DNAAF9: variants seen among roughly 807,000 people sequenced by gnomAD.
DNAAF9 encodes shulin.
Under a neutral mutation model 167.0 loss-of-function variants are expected in DNAAF9, and 90 were observed. The ratio of observed to expected loss-of-function variants is 0.54; its 90% CI spans 0.45 to 0.64. The LOEUF is 0.64. Among genes scored for constraint, DNAAF9 ranks in the 30% least tolerant of loss-of-function variants. DNAAF9 has a pLI of 0.00. For missense variants in DNAAF9, 1,315 were observed against 1,442.2 expected (o/e 0.91, Z 1.43); for synonymous variants, 491 against 508.8 (o/e 0.96, Z 0.47).
Position 3,320,093 on chromosome 20 carries a change from C to A in DNAAF9, c.1357-1693G>T, listed in dbSNP as rs530771084. Among the ~76,000 whole-genome samples, 108 of 152,238 alleles carry A rather than the reference C, an allele frequency of 7.1e-4. No individual in the cohort carries two copies. In the Middle Eastern group the frequency reaches 0.01, roughly 14 times the overall value. On this transcript the variant is annotated intron_variant, in intron 16 of 36. Coordinates refer to ENST00000252032, the MANE Select transcript of DNAAF9 (RefSeq NM_001009984.3). ...GATAACATGTAGCATTTGTTGGACA[C>A]TTGTTATGTACTTCCCACCATGTGG...
At chr20:3,269,304 G>A (rs1477823317) in intron 30 of DNAAF9, among the ~76,000 whole-genome samples, 2 of 151,680 alleles carry the variant, frequency 1.3e-5, no homozygotes, top group African/African-American at 4.8e-5. Context: ...TAAACTCCTG[G>A]GCTCAGGCAA....
At chr20:3,285,615 G>C (rs2068837336) in intron 27 of DNAAF9, among the ~76,000 whole-genome samples, 1 of 151,344 alleles carries the variant, frequency 6.6e-6, no homozygotes, top group Non-Finnish European at 1.5e-5. Flanking sequence ...GGAGGCGGAG[G>C]TTGCAGTGAG....
At chr20:3,364,940 CT>C (rs73616151) in intron 6 of DNAAF9, among the ~76,000 whole-genome samples, 4 of 143,034 alleles carry the variant, frequency 2.8e-5, no homozygotes, top group Non-Finnish European at 6.0e-5. Context: ...CCTTCTTTTC[CT>C]TTTTTCTTTT....
intron 1 of DNAAF9, among the ~76,000 whole-genome samples, chr20:3,394,949 CTTTTTTTTTTTTTTTTTTTT>C (rs10522445): frequency 9.8e-6 from 1 of 102,132 alleles, no homozygotes; most frequent in Admixed American, 1.2e-4. Flanking sequence ...TTTCTTTTTT[CTTTTTTTTTTTTTTTTTTTT>C]TTTTTTTTTT....
At chr20:3,360,666 A>C (rs2083350209) in intron 6 of DNAAF9, among the ~76,000 whole-genome samples, 1 of 152,104 alleles carries the variant, frequency 6.6e-6, no homozygotes, top group African/African-American at 2.4e-5. Context: ...GGATCTTGAG[A>C]AGCAGCAGCA....
intron 27 of DNAAF9, among the ~76,000 whole-genome samples, chr20:3,284,136 T>C (rs1301195565): frequency 1.4e-5 from 2 of 147,120 alleles, no homozygotes; most frequent in Non-Finnish European, 3.0e-5. Context: ...GAGCACCCCC[T>C]ACCCAGAAGG....
intron 16 of DNAAF9, among the ~76,000 whole-genome samples, chr20:3,319,262 C>CAAAA (rs57727958): frequency 0.087 from 3,582 of 41,406 alleles, 842 homozygotes; most frequent in Non-Finnish European, 0.12. Context: ...GACCCCGTCT[C>CAAAA]AAAAAAAAAA....
intron 30 of DNAAF9, among the ~76,000 whole-genome samples, chr20:3,270,102 G>T (rs2068566286): frequency 6.7e-6 from 1 of 149,832 alleles, no homozygotes; most frequent in Non-Finnish European, 1.5e-5. Context: ...CCAAAATGCT[G>T]AGATTACAGG....
chr20:3,407,109 G>A (rs1273818251), intron 1 of DNAAF9, among the ~76,000 whole-genome samples: 1 of 152,160 alleles, frequency 6.6e-6, no homozygotes, highest in Non-Finnish European at 1.5e-5. Flanking sequence ...TCATAGGGAA[G>A]CCTCTGTGGG....
At chr20:3,300,453 T>TTCA in intron 21 of DNAAF9, among the ~76,000 whole-genome samples, 1 of 151,902 alleles carries the variant, frequency 6.6e-6, no homozygotes, top group South Asian at 2.1e-4. Context: ...TAAATTGAAT[T>TTCA]GTTTTATTTT....
At chr20:3,336,942 C>T (rs1422952502) in intron 10 of DNAAF9, among the ~76,000 whole-genome samples, 3 of 147,668 alleles carry the variant, frequency 2.0e-5, no homozygotes, top group South Asian at 2.2e-4. Flanking sequence ...GGCAGTGGCA[C>T]GATCTCGGCT....
intron 20 of DNAAF9, among the ~76,000 whole-genome samples, chr20:3,313,184 A>G (rs1392615106): frequency 6.6e-6 from 1 of 152,226 alleles, no homozygotes. Flanking sequence ...ACACTATGCA[A>G]TCTTGCCTCA....
At chr20:3,310,048 C>T (rs941373309) in intron 20 of DNAAF9, among the ~76,000 whole-genome samples, 3 of 151,800 alleles carry the variant, frequency 2.0e-5, no homozygotes, top group Admixed American at 6.6e-5. Flanking sequence ...CAAAATTAGC[C>T]GGGCATGGTG....
At position 3,250,696 on chromosome 20, in the gene DNAAF9, G is replaced by GC. The variant is rs2068182543; in HGVS notation, c.*1875dup. ...CCGACCCCTCTTTAAAAACTCTTCT[G>GC]CAGCAGCCAGACTGCCAGGCCAGTG... On this transcript the variant is annotated 3_prime_UTR_variant, in exon 37 of 37. Coordinates refer to ENST00000252032, the MANE Select transcript of DNAAF9 (RefSeq NM_001009984.3). The GC allele has an allele frequency of 1.3e-5, 2 of 152,190 alleles. 1 individual carries two copies. The highest frequency in any genetic ancestry group is 4.1e-4 in the South Asian group (2 of 4,830). 9.4% of individuals were successfully genotyped at this position (152,190 alleles called of 1,614,324 possible).
intron 10 of DNAAF9, among the ~76,000 whole-genome samples, chr20:3,332,900 GGT>G (rs3082550): frequency 0.037 from 5,481 of 146,794 alleles, 239 homozygotes; most frequent in African/African-American, 0.097. Flanking sequence ...GTGTGCGTGT[GGT>G]GTGTGTGTGT....
chr20:3,252,837 G>T (rs1025453582), intron 36 of DNAAF9, among the ~76,000 whole-genome samples, 153 bp from the exon 37 acceptor site: 1 of 152,018 alleles, frequency 6.6e-6, no homozygotes, highest in Non-Finnish European at 1.5e-5. Flanking sequence ...TGTATATACT[G>T]GCAGCACCAC....
Position 3,315,060 on chromosome 20 carries a change from T to C in DNAAF9, c.1651A>G (p.Ser551Gly), listed in dbSNP as rs746164863. The C allele has an allele frequency of 6.2e-7, 1 of 1,611,176 alleles. No individual in the cohort carries two copies. Among genetic ancestry groups the C allele is most frequent in the South Asian group, 1.1e-5 (1 of 91,024 alleles). Residue 551 changes from serine (S) to glycine (G), a missense_variant, in exon 20 of 37, where the codon AGC becomes GGC. Ser to Gly is a moderately conservative substitution (Grantham distance 56, BLOSUM62 0). Coordinates refer to ENST00000252032, the MANE Select transcript of DNAAF9 (RefSeq NM_001009984.3). The surrounding 1 kb of genome is among the most constrained non-coding windows in gnomAD (Gnocchi z 4.1). ...TCCTCAGGCCAGGACTGTAGATTGC[T>C]GGAATAAAGATATGCTCCTTCTCCT... The part of the protein sequence containing the change: ...TGGEGAYLYS[S>G]NLQSWPEEGN...
intron 6 of DNAAF9, among the ~76,000 whole-genome samples, chr20:3,362,864 C>T (rs1009778637): frequency 1.4e-4 from 22 of 152,132 alleles, no homozygotes; most frequent in Non-Finnish European, 1.0e-4. Context: ...TTTTGCTCTG[C>T]GGGTTACTTG....
intron 29 of DNAAF9, among the ~76,000 whole-genome samples, chr20:3,276,729 A>C (rs1273308686): frequency 2.0e-5 from 3 of 152,222 alleles, no homozygotes; most frequent in African/African-American, 7.2e-5. Flanking sequence ...CTAGGGTGCC[A>C]ATCATCACAC....
Sources: allele counts gnomAD v4.1 joint callset (sites outside exome capture counted in the v4.1 genomes callset), GRCh38; gene constraint gnomAD v4.1.1; non-coding constraint Gnocchi (gnomAD v3.1); transcripts MANE v1.5; gene names NCBI Gene and HGNC (gene_info 2026-07-23, HGNC 2026-07-21).